PSME4: variants seen among roughly 807,000 people sequenced by gnomAD.
PSME4 encodes the protein proteasome activator subunit 4, also known as proteasome activator complex subunit 4.
In PSME4, 89 loss-of-function variants were observed where a neutral mutation model predicts 253.9. The ratio of observed to expected loss-of-function variants is 0.35; its 90% confidence interval spans 0.30 to 0.42. PSME4 has a LOEUF of 0.42. PSME4 is among the 10% of genes least tolerant of loss of function. PSME4 has a pLI of 1.00. For missense variants in PSME4, 2,014 were observed against 2,195.2 expected (o/e 0.92, Z 1.65); for synonymous variants, 851 against 759.2 (o/e 1.12, Z -1.99).
intron 1 of PSME4, among the ~76,000 whole-genome samples, chr2:53,967,889 T>C (rs1323429482): frequency 8.5e-5 from 13 of 152,066 alleles, no homozygotes; most frequent in Admixed American, 7.9e-4. Context: ...CAAACAGTTC[T>C]TGTAGAAAGA....
At chr2:53,875,355 C>G (rs1386668820) in intron 42 of PSME4, among the ~76,000 whole-genome samples, 2 of 152,176 alleles carry the variant, frequency 1.3e-5, no homozygotes, top group Non-Finnish European at 2.9e-5. Context: ...ATCCACCTTC[C>G]TCATAAGCAC....
chr2:53,962,488 G>C (rs1670535078), intron 1 of PSME4, among the ~76,000 whole-genome samples: 1 of 151,234 alleles, frequency 6.6e-6, no homozygotes, highest in Admixed American at 6.6e-5. Context: ...ACTGCAGAAA[G>C]AACACTTGGG....
In PSME4 at chr2:53,928,163, A is replaced by G; in HGVS notation, c.1457T>C (p.Met486Thr). The G allele has an allele frequency of 6.2e-7, 1 of 1,614,094 alleles. No homozygotes were observed. The highest frequency in any genetic ancestry group is 8.5e-7 in the Non-Finnish European group (1 of 1,179,986). Residue 486 changes from methionine (M) to threonine (T), a missense_variant, in exon 11 of 47, where the codon ATG (methionine) becomes ACG (threonine). Physicochemically the swap from Met to Thr is moderately conservative, Grantham distance 81. Coordinates refer to ENST00000404125, the MANE Select transcript of PSME4 (RefSeq NM_014614.3). ...TGGATCCACCCCAGGCAATGCTCTC[A>G]TCAACAGAGGTAGCATATGTGTAGG... ...EGPTHMLPLL[M>T]RALPGVDPND...
rs1667708019 is a variant in PSME4 at position 53,909,207 on chromosome 2, G to A, written c.2573-367C>T. 2.6e-5 allele frequency among the ~76,000 whole-genome samples: 4 copies of A among 152,162 alleles called. No homozygotes were observed. The South Asian group carries it at 8.3e-4, about 32-fold the overall frequency. On this transcript the variant is annotated intron_variant, in intron 21 of 46. Coordinates refer to ENST00000404125, the MANE Select transcript of PSME4 (RefSeq NM_014614.3). ...TCACTAATTAGAGATTAAAATACAT[G>A]GAATTTTCTAATTAGTTGTGGGTGA...
intron 26 of PSME4, 23 bp downstream of exon 26, chr2:53,906,575 T>A: frequency 6.6e-7 from 1 of 1,516,958 alleles, no homozygotes; most frequent in Non-Finnish European, 8.8e-7. Flanking sequence ...GGCATGAGAG[T>A]GCAGCGTTTG....
At chr2:53,866,247 C>T (rs371259233) in intron 45 of PSME4, 24 bp from the exon 46 acceptor site, 156 of 1,611,452 alleles carry the variant, frequency 9.7e-5, no homozygotes, top group Non-Finnish European at 1.2e-4. Flanking sequence ...AACCCACATA[C>T]GTTTTAACCT....
intron 17 of PSME4, among the ~76,000 whole-genome samples, chr2:53,921,356 C>G (rs866834189): frequency 6.6e-5 from 10 of 151,902 alleles, no homozygotes; most frequent in Non-Finnish European, 1.3e-4. Context: ...AAGCAATTCT[C>G]CTGCCTCAGC....
intron 36 of PSME4, 130 bp downstream of exon 36, chr2:53,892,678 A>G (rs545088376): frequency 1.8e-5 from 14 of 777,318 alleles, no homozygotes; most frequent in Middle Eastern, 4.0e-4. Context: ...CAATGTCTAC[A>G]TATCGGCATA....
intron 9 of PSME4, 46 bp from the exon 10 acceptor site, chr2:53,932,146 G>T: frequency 1.9e-6 from 3 of 1,550,458 alleles, no homozygotes; most frequent in East Asian, 2.3e-5. Flanking sequence ...CTACTTTGCC[G>T]CATAGACATT....
chr2:53,869,871 T>C (rs1678786250), intron 43 of PSME4: 1 of 164,794 alleles, frequency 6.1e-6, no homozygotes. Context: ...TAAGATCAAG[T>C]TTTTCCAGAC....
In PSME4 at chr2:53,929,616, G is replaced by A. The variant is rs536641768; in HGVS notation, c.1317-1313C>T. Among the ~76,000 whole-genome samples, 34 of 150,926 alleles carry A rather than the reference G, an allele frequency of 2.3e-4. No individual in the cohort carries two copies. In the South Asian group the frequency reaches 6.7e-3, roughly 30 times the overall value. ...GCTTATTTTTTTTTTTTTTAATGGAGAAAACATACCAAACTCTTTAACAGA... is the reference window on the plus strand; with the variant it reads ...GCTTATTTTTTTTTTTTTTAATGGAAAAAACATACCAAACTCTTTAACAGA... On this transcript the variant is annotated intron_variant, in intron 10 of 46. Transcript: ENST00000404125.
chr2:53,961,800 A>C (rs1670505908), intron 1 of PSME4, among the ~76,000 whole-genome samples: 1 of 152,056 alleles, frequency 6.6e-6, no homozygotes. Flanking sequence ...GAAAAGGTAC[A>C]CTCGCCAGCA....
chr2:53,897,873 T>A lies in PSME4; in HGVS notation c.3603A>T (p.Arg1201=). The change falls in exon 31 of 47, where the codon CGA becomes CGT. Residue 1201 remains arginine, a synonymous_variant. Transcript: ENST00000404125. The stretch of plus-strand genomic sequence containing the variant: ...GTAGCTAAAACAAGGTATGTACCTT[T>A]CGAACTACAATTGCATCATGGTTGA... The part of the protein sequence containing the change: ...ENLNHDAIVV[R]KMAISAVAGI... 1 of 1,613,752 alleles carries A rather than the reference T, an allele frequency of 6.2e-7. No individual in the cohort carries two copies. Among genetic ancestry groups the A allele is most frequent in the Non-Finnish European group, 8.5e-7 (1 of 1,179,674 alleles).
In PSME4 at chr2:53,921,059, G is replaced by C. The variant is rs1218585296; in HGVS notation, c.2092C>G (p.Leu698Val). The change falls in exon 18 of 47, where the codon CTT becomes GTT. Residue 698 changes from leucine to valine, a missense_variant. Leu to Val is a conservative substitution (Grantham distance 32). This residue lies in a region of PSME4 where 989 missense variants were observed against 1,021.1 expected (regional missense o/e 0.97). Transcript: ENST00000404125. ...GRKLLLYREQ[L>V]VKILQRTLHL... Reference sequence around the variant, plus strand: ...AGGGTTCTTTGGAGAATCTTTACAAGCTGCTCCCTATAAAGAAGCAACTTC... The same window carrying C: ...AGGGTTCTTTGGAGAATCTTTACAACCTGCTCCCTATAAAGAAGCAACTTC... 1 of 1,614,026 alleles carries C rather than the reference G, an allele frequency of 6.2e-7. No homozygotes were observed.
intron 17 of PSME4, among the ~76,000 whole-genome samples, chr2:53,921,487 C>T (rs961810038): frequency 2.7e-5 from 4 of 150,554 alleles, no homozygotes; most frequent in Non-Finnish European, 4.5e-5. Flanking sequence ...CCTAGTGATC[C>T]GCCCGCCTCG....
intron 14 of PSME4, among the ~76,000 whole-genome samples, chr2:53,923,802 A>G (rs974215545): frequency 6.6e-6 from 1 of 151,390 alleles, no homozygotes; most frequent in Non-Finnish European, 1.5e-5. Flanking sequence ...GCATGCCTGT[A>G]GTCCCAGCTG....
rs763799061 is a variant in PSME4, at chr2:53,888,789, A to T, written c.4320T>A (p.Leu1440=). ...CCAACAGCAGTTCAAAAAGCCAGTG[A>T]AGTTTCCGGGGATCTCTGCTTTCCT... ...TSCESRDPRK[L]HWLFELLLES... is the part of the protein sequence containing the mutation. The change falls in exon 38 of 47, where the codon CTT becomes CTA. Residue 1440 remains leucine, a synonymous_variant. Coordinates refer to ENST00000404125, the MANE Select transcript of PSME4 (RefSeq NM_014614.3). The T allele has an allele frequency of 6.2e-7, 1 of 1,612,480 alleles. No individual in the cohort carries two copies. The highest frequency in any genetic ancestry group is 1.1e-5 in the South Asian group (1 of 90,880).
chr2:53,963,070 T>A (rs1328828420), intron 1 of PSME4, among the ~76,000 whole-genome samples: 4 of 150,730 alleles, frequency 2.7e-5, no homozygotes, highest in Non-Finnish European at 5.9e-5. Context: ...ATCCCAACAC[T>A]TTCCCAACAC....
chr2:53,934,454 G>T, intron 8 of PSME4, 151 bp downstream of exon 8: 1 of 729,164 alleles, frequency 1.4e-6, no homozygotes, highest in Non-Finnish European at 2.1e-6. Context: ...TTCTGGATTT[G>T]ATAAACATGA....
Sources: allele counts gnomAD v4.1 joint callset (sites outside exome capture counted in the v4.1 genomes callset), GRCh38; gene constraint gnomAD v4.1.1; regional missense constraint gnomAD v4.1.1; transcripts MANE v1.5; gene names NCBI Gene and HGNC (gene_info 2026-07-23, HGNC 2026-07-21).